The following NCOA1 variants were observed in gnomAD, a reference collection of about 807,000 sequenced individuals.
NCOA1 encodes the protein Hin-2 protein.
Under a neutral mutation model 150.9 loss-of-function variants are expected in NCOA1, and 35 were observed. The ratio of observed to expected loss-of-function variants is 0.23; its 90% confidence interval spans 0.18 to 0.31. The LOEUF (loss-of-function observed/expected upper bound fraction) is 0.31. Among genes scored for constraint, NCOA1 ranks in the 10% least tolerant of loss-of-function variants. NCOA1 has a pLI of 1.00. For synonymous variants in NCOA1, 590 were observed against 630.0 expected, an observed-to-expected ratio of 0.94 and a Z score of 0.95; for missense variants, 1,491 against 1,749.3, an observed-to-expected ratio of 0.85 and a Z score of 2.63.
At chr2:24,555,089 GCTCT>G (rs1363475119) in intron 1 of NCOA1, among the ~76,000 whole-genome samples, 1 of 152,038 alleles carries the variant, frequency 6.6e-6, no homozygotes, top group African/African-American at 2.4e-5. Context: ...AAGGAAAACA[GCTCT>G]CTCTCTAGTG....
At chr2:24,507,778 ATG>A (rs1471077797) in intron 1 of NCOA1, among the ~76,000 whole-genome samples, 1 of 152,120 alleles carries the variant, frequency 6.6e-6, no homozygotes, top group African/African-American at 2.4e-5. Context: ...TCAAAGTCAA[ATG>A]TGTGTTCCTT....
At chr2:24,734,702 G>A (rs1186727185) in intron 17 of NCOA1, among the ~76,000 whole-genome samples, 1 of 152,150 alleles carries the variant, frequency 6.6e-6, no homozygotes, top group Non-Finnish European at 1.5e-5. Flanking sequence ...AACTACTTAG[G>A]AGCCTAAGTT....
At chr2:24,608,113 C>T (rs569408834) in intron 3 of NCOA1, among the ~76,000 whole-genome samples, 34 of 151,928 alleles carry the variant, frequency 2.2e-4, no homozygotes, top group Non-Finnish European at 2.9e-4. Flanking sequence ...TCCTTCATGA[C>T]TATAGGATTA....
chr2:24,535,984 T>G (rs1208426885), intron 1 of NCOA1, among the ~76,000 whole-genome samples: 1 of 152,196 alleles, frequency 6.6e-6, no homozygotes, highest in Non-Finnish European at 1.5e-5. Flanking sequence ...CTTCCGAATT[T>G]GAATGTTGGC....
chr2:24,501,249 G>A (rs188867545), intron 1 of NCOA1, among the ~76,000 whole-genome samples: 1 of 152,124 alleles, frequency 6.6e-6, no homozygotes, highest in Admixed American at 6.5e-5. Flanking sequence ...ATATTTGTGA[G>A]GTAACATTTT....
At chr2:24,530,770 CTG>C (rs1477343094) in intron 1 of NCOA1, among the ~76,000 whole-genome samples, 1 of 152,074 alleles carries the variant, frequency 6.6e-6, no homozygotes, top group Non-Finnish European at 1.5e-5. Flanking sequence ...AAGAGAAAGA[CTG>C]AGAAATGTCT....
intron 1 of NCOA1, among the ~76,000 whole-genome samples, chr2:24,561,296 C>T (rs1232641702): frequency 6.6e-6 from 1 of 152,066 alleles, no homozygotes; most frequent in East Asian, 1.9e-4. Flanking sequence ...TATAGGTTTC[C>T]TTTTATATCA....
At chr2:24,509,900 T>A (rs1045296174) in intron 1 of NCOA1, among the ~76,000 whole-genome samples, 2 of 152,250 alleles carry the variant, frequency 1.3e-5, no homozygotes, top group African/African-American at 4.8e-5. Context: ...ATTAAAATTA[T>A]TTTCAGTACC....
intron 3 of NCOA1, among the ~76,000 whole-genome samples, chr2:24,624,128 A>G (rs1344500026): frequency 5.9e-5 from 9 of 152,168 alleles, no homozygotes; most frequent in Non-Finnish European, 1.0e-4. Flanking sequence ...ATAGTACCCA[A>G]TTGTATTCTT....
At chr2:24,673,945 T>C (rs1001966386) in intron 7 of NCOA1, among the ~76,000 whole-genome samples, 1 of 152,210 alleles carries the variant, frequency 6.6e-6, no homozygotes, top group African/African-American at 2.4e-5. Flanking sequence ...TGTCAAACTT[T>C]GTAATGTGAA....
Position 24,524,522 on chromosome 2 carries a change from C to T in NCOA1, c.-396+32920C>T, listed in dbSNP as rs749507149. 1.4e-4 allele frequency among the ~76,000 whole-genome samples: 21 copies of T among 152,174 alleles called. 1 individual carries two copies. Among genetic ancestry groups the T allele is most frequent in the African/African-American group, 3.9e-4 (16 of 41,518 alleles). On this transcript the variant is annotated intron_variant, in intron 1 of 22. Coordinates refer to ENST00000348332, the MANE Select transcript of NCOA1 (RefSeq NM_003743.5). Reference sequence around the variant, plus strand: ...GTTGCCCACACTGGTCTTGAACTCCCGGGCTTAAGTGATCCTCATGCCTCG... The same window carrying T: ...GTTGCCCACACTGGTCTTGAACTCCTGGGCTTAAGTGATCCTCATGCCTCG...
chr2:24,675,121 C>T (rs991480865), intron 7 of NCOA1, among the ~76,000 whole-genome samples: 27 of 152,162 alleles, frequency 1.8e-4, no homozygotes, highest in Non-Finnish European at 3.5e-4. Flanking sequence ...TTGGCTCTTT[C>T]CCTTTTTTAA....
In NCOA1 at chr2:24,711,003, T is replaced by C. The variant is rs1394224320; in HGVS notation, c.2491T>C (p.Cys831Arg). The change falls in exon 14 of 23, where the codon TGT becomes CGT. Residue 831 changes from cysteine (C) to arginine (R), a missense_variant. Cys to Arg is a radical substitution (Grantham distance 180). Around this residue, in one of 8 missense-constraint regions of NCOA1, gnomAD observed 703 missense variants for 717.7 expected, o/e 0.98. Coordinates refer to ENST00000348332, the MANE Select transcript of NCOA1 (RefSeq NM_003743.5). ...LEKAAQLPGL[C>R]ETDRMDGAVT... ...GAAGGCAGCACAGTTGCCAGGCTTA[T>C]GTGAGACAGACAGGATGGATGGTGC... 2 of 1,614,234 alleles carry C rather than the reference T, an allele frequency of 1.2e-6. No homozygotes were observed. Among genetic ancestry groups the C allele is most frequent in the Non-Finnish European group, 1.7e-6 (2 of 1,180,038 alleles).
chr2:24,535,434 A>G (rs1227554175), intron 1 of NCOA1, among the ~76,000 whole-genome samples: 1 of 152,092 alleles, frequency 6.6e-6, no homozygotes, highest in Non-Finnish European at 1.5e-5. Context: ...TAATTGGGGC[A>G]TTTAGCCCAT....
rs753328535 is a variant in NCOA1, at chr2:24,706,560, C to T, written c.1098-8C>T. The T allele has an allele frequency of 1.9e-6, 3 of 1,570,746 alleles. No individual in the cohort carries two copies. Among genetic ancestry groups the T allele is most frequent in the Non-Finnish European group, 2.6e-6 (3 of 1,159,640 alleles). ...GATGTTTGAATAATAATGTCTTTTT[C>T]CCCCTAGGGAGCACAGTGGGCTTTC... On this transcript the variant is annotated splice_polypyrimidine_tract_variant and splice_region_variant and intron_variant, in intron 12 of 22. Coordinates refer to ENST00000348332, the MANE Select transcript of NCOA1 (RefSeq NM_003743.5).
intron 8 of NCOA1, among the ~76,000 whole-genome samples, chr2:24,690,650 T>TTAAAAAAAAAAAAAAAA (rs1558289893): frequency 1.8e-4 from 1 of 5,672 alleles, no homozygotes; most frequent in Non-Finnish European, 5.6e-4. Context: ...AGATTCCATC[T>TTAAAAAAAAAAAAAAAA]CAAAAAAAAA....
intron 1 of NCOA1, among the ~76,000 whole-genome samples, chr2:24,548,864 C>T (rs1665714675): frequency 6.6e-6 from 1 of 152,222 alleles, no homozygotes; most frequent in Admixed American, 6.5e-5. Context: ...CAGCCTTCCT[C>T]ATGGCTGCTT....
intron 18 of NCOA1, 86 bp downstream of exon 18, chr2:24,739,619 G>T: frequency 1.1e-6 from 1 of 934,988 alleles, no homozygotes; most frequent in Non-Finnish European, 1.7e-6. Context: ...CTTTGAAATG[G>T]TCTGTGAGCT....
chr2:24,752,189 T>A (rs768873418), intron 20 of NCOA1, 33 bp downstream of exon 20: 1 of 1,596,880 alleles, frequency 6.3e-7, no homozygotes, highest in East Asian at 2.2e-5. Flanking sequence ...TGAGCATCCT[T>A]GATACTGTGA....
Sources: gnomAD v4.1 joint callset for allele counts (sites outside exome capture counted in the v4.1 genomes callset) on GRCh38, gnomAD v4.1.1 for gene constraint, gnomAD v4.1.1 regional missense constraint, MANE v1.5 for transcripts, NCBI Gene and HGNC (gene_info 2026-07-23, HGNC 2026-07-21) for gene names.